Variants in ATP11B observed in about 807,000 individuals in gnomAD.
ATP11B encodes the protein phospholipid-transporting ATPase IF.
ATP11B carries 81 observed loss-of-function variants against 157.8 expected under a neutral mutation model. That is an observed-to-expected ratio of 0.51 (90% CI 0.43 to 0.62). The LOEUF (loss-of-function observed/expected upper bound fraction) is 0.62, where lower values mean the gene tolerates loss of function less well. ATP11B is among the 20% of genes least tolerant of loss of function. The probability of loss-of-function intolerance (pLI) is 0.00; values close to 1 mark genes in which losing one functional copy is unlikely to be tolerated. For missense variants in ATP11B, 1,165 were observed against 1,402.2 expected (o/e 0.83, Z 2.70); for synonymous variants, 451 against 469.4 (o/e 0.96, Z 0.51).
intron 19 of ATP11B, among the ~76,000 whole-genome samples, chr3:182,877,011 A>T (rs569733240): frequency 1.3e-5 from 2 of 152,328 alleles, no homozygotes; most frequent in East Asian, 1.9e-4. Context: ...AAAGAATTTC[A>T]TGCCTTTGAA....
In ATP11B at chr3:182,889,524, T is replaced by C; in HGVS notation, c.2958T>C (p.Asp986=). Residue 986 remains aspartate (D), a synonymous_variant, in exon 25 of 30, where the codon GAT becomes GAC. Transcript: ENST00000323116. ...FFGSYLLIGK[D]TSLLGNGQMF... ...GATCCTATTTACTAATAGGGAAAGA[T>C]ACATCTCTGCTTGGAAATGGCCAGG... 1 of 1,561,978 alleles carries C rather than the reference T, an allele frequency of 6.4e-7. No individual in the cohort carries two copies. The highest frequency in any genetic ancestry group is 8.6e-7 in the Non-Finnish European group (1 of 1,162,802).
chr3:182,823,823 C>T (rs1006013804), intron 2 of ATP11B, among the ~76,000 whole-genome samples: 3 of 151,800 alleles, frequency 2.0e-5, no homozygotes, highest in Non-Finnish European at 1.5e-5. Context: ...CTCTTGAAAA[C>T]TTTAGGTTTT....
At chr3:182,892,712 C>G (rs1723257116) in intron 25 of ATP11B, among the ~76,000 whole-genome samples, 1 of 152,108 alleles carries the variant, frequency 6.6e-6, no homozygotes, top group Admixed American at 6.6e-5. Flanking sequence ...ATCTTTTTAA[C>G]AGGCCTTTCT....
chr3:182,883,365 C>T (rs1374320875), intron 21 of ATP11B, among the ~76,000 whole-genome samples: 4 of 151,650 alleles, frequency 2.6e-5, no homozygotes, highest in Non-Finnish European at 5.9e-5. Context: ...TCAAGCGATT[C>T]TCCTACCTCA....
chr3:182,857,839 A>C (rs1720530134), intron 10 of ATP11B, 39 bp from the exon 11 acceptor site: 1 of 1,291,474 alleles, frequency 7.7e-7, no homozygotes, highest in Non-Finnish European at 1.1e-6. Context: ...ATAGTAATAC[A>C]TGAGTTGTAT....
At chr3:182,841,672 T>C (rs1719031810) in intron 7 of ATP11B, among the ~76,000 whole-genome samples, 1 of 152,072 alleles carries the variant, frequency 6.6e-6, no homozygotes, top group Non-Finnish European at 1.5e-5. Flanking sequence ...TGGTTGATTT[T>C]TGTTTCATGT....
chr3:182,841,401 A>G (rs557312750), intron 7 of ATP11B, among the ~76,000 whole-genome samples: 3 of 152,286 alleles, frequency 2.0e-5, no homozygotes, highest in African/African-American at 7.2e-5. Flanking sequence ...GTCATCTTGC[A>G]GGCCTTACTG....
chr3:182,879,536 G>C lies in ATP11B; in HGVS notation c.2293G>C (p.Asp765His). 1.9e-6 allele frequency: 3 copies of C among 1,612,848 alleles called. 1 individual carries two copies. Among genetic ancestry groups the C allele is most frequent in the South Asian group, 1.1e-5 (1 of 90,760 alleles). ...TGTGATTCAGCATGGGCTGGTAGTGGATGGGACCAGCCTATCTCTTGCACT... is the reference window on the plus strand; with the variant it reads ...TGTGATTCAGCATGGGCTGGTAGTGCATGGGACCAGCCTATCTCTTGCACT... ...DHVIQHGLVV[D>H]GTSLSLALRE... Residue 765 changes from aspartate (D) to histidine (H), a missense_variant, in exon 20 of 30, where the codon GAT (aspartate) becomes CAT (histidine). By Grantham distance (81) the Asp-to-His change is moderately conservative. Coordinates refer to ENST00000323116, the MANE Select transcript of ATP11B (RefSeq NM_014616.3).
In ATP11B at chr3:182,859,298, A is replaced by G. The variant is rs370073024; in HGVS notation, c.1139A>G (p.His380Arg). The stretch of plus-strand genomic sequence containing the variant: ...ATTGGCTGGGATCTTGATCTGTATC[A>G]TGAAGAATCAGATCAGAAAGCTCAA... ...FFIGWDLDLY[H>R]EESDQKAQVN... Residue 380 changes from histidine (H) to arginine (R), a missense_variant, in exon 12 of 30, where the codon CAT becomes CGT. By Grantham distance (29) the His-to-Arg change is conservative. This residue lies in a region of ATP11B where 737 missense variants were observed against 930.5 expected (regional missense o/e 0.79). Coordinates refer to ENST00000323116, the MANE Select transcript of ATP11B (RefSeq NM_014616.3). 5.6e-6 allele frequency: 9 copies of G among 1,611,100 alleles called. No homozygotes were observed. Among genetic ancestry groups the G allele is most frequent in the African/African-American group, 2.7e-5 (2 of 74,988 alleles).
intron 4 of ATP11B, among the ~76,000 whole-genome samples, chr3:182,832,603 T>G (rs1220182075): frequency 6.6e-6 from 1 of 152,230 alleles, no homozygotes; most frequent in Admixed American, 6.5e-5. Flanking sequence ...CCCTTTGTAC[T>G]TCTATCAAAA....
intron 9 of ATP11B, among the ~76,000 whole-genome samples, chr3:182,847,794 G>A (rs1719653789): frequency 6.6e-6 from 1 of 152,086 alleles, no homozygotes; most frequent in South Asian, 2.1e-4. Context: ...TTACTTACCC[G>A]AGGATGTAGA....
At chr3:182,867,643 G>A (rs1721350777) in intron 15 of ATP11B, among the ~76,000 whole-genome samples, 199 bp downstream of exon 15, 1 of 142,106 alleles carries the variant, frequency 7.0e-6, no homozygotes, top group African/African-American at 2.6e-5. Flanking sequence ...GAGTGCAGTG[G>A]CACAATCTTG....
chr3:182,900,558 A>G lies in ATP11B; in HGVS notation c.3318+1786A>G, dbSNP rs909737351. Among the ~76,000 whole-genome samples, 5 of 152,230 alleles carry G rather than the reference A, an allele frequency of 3.3e-5. 1 individual carries two copies. The highest frequency in any genetic ancestry group is 4.2e-4 in the South Asian group (2 of 4,816). The stretch of plus-strand genomic sequence containing the variant: ...TTCCACTCTGCAATATATTACTTAA[A>G]TATATATCAGAAAGTTTGCCTATCT... On this transcript the variant is annotated intron_variant, in intron 28 of 29. Coordinates refer to ENST00000323116, the MANE Select transcript of ATP11B (RefSeq NM_014616.3).
intron 25 of ATP11B, among the ~76,000 whole-genome samples, chr3:182,890,187 G>T (rs1723082487): frequency 1.3e-5 from 2 of 152,158 alleles, no homozygotes; most frequent in African/African-American, 4.8e-5. Context: ...AGAGACTCTT[G>T]GCAGAGCTAG....
chr3:182,891,505 T>C (rs1403591761), intron 25 of ATP11B, among the ~76,000 whole-genome samples: 2 of 152,172 alleles, frequency 1.3e-5, no homozygotes, highest in Non-Finnish European at 2.9e-5. Flanking sequence ...GTAGCCTAAG[T>C]GATTTTGTAT....
intron 17 of ATP11B, among the ~76,000 whole-genome samples, chr3:182,870,182 G>A (rs868306379): frequency 5.3e-5 from 8 of 152,118 alleles, no homozygotes; most frequent in East Asian, 3.9e-4. Flanking sequence ...GTGAATATGC[G>A]ATATAACACT....
chr3:182,836,533 A>G, intron 6 of ATP11B, 63 bp downstream of exon 6: 1 of 1,596,604 alleles, frequency 6.3e-7, no homozygotes, highest in Non-Finnish European at 8.6e-7. Flanking sequence ...TTATAATTAT[A>G]CTTAACTTTG....
At chr3:182,885,630 TCTTA>T (rs1179480533) in intron 22 of ATP11B, among the ~76,000 whole-genome samples, 1 of 152,132 alleles carries the variant, frequency 6.6e-6, no homozygotes, top group Non-Finnish European at 1.5e-5. Context: ...TTTGAGTAAA[TCTTA>T]CTTATTGTAC....
intron 1 of ATP11B, among the ~76,000 whole-genome samples, chr3:182,810,816 T>C (rs147727152): frequency 7.2e-5 from 11 of 152,340 alleles, no homozygotes; most frequent in Admixed American, 4.6e-4. Flanking sequence ...AGTGAATACT[T>C]GTGGTATAAC....
Sources: allele counts gnomAD v4.1 joint callset (sites outside exome capture counted in the v4.1 genomes callset), GRCh38; gene constraint gnomAD v4.1.1; regional missense constraint gnomAD v4.1.1; transcripts MANE v1.5; gene names NCBI Gene and HGNC (gene_info 2026-07-23, HGNC 2026-07-21).